Variants in ADCY9 observed in about 807,000 individuals in gnomAD.
ADCY9 encodes the protein adenylate cyclase type 9.
In ADCY9, 50 loss-of-function variants were observed where a neutral mutation model predicts 101.5. The ratio of observed to expected loss-of-function variants is 0.49; its 90% CI spans 0.39 to 0.62. The LOEUF (loss-of-function observed/expected upper bound fraction) is 0.62, where lower values mean the gene tolerates loss of function less well. ADCY9 is among the 20% of genes least tolerant of loss of function. The probability of loss-of-function intolerance (pLI) is 0.00; values close to 1 mark genes in which losing one functional copy is unlikely to be tolerated. For missense variants in ADCY9, 1,662 were observed against 1,800.4 expected (o/e 0.92, Z 1.39); for synonymous variants, 905 against 769.3 (o/e 1.18, Z -2.92).
rs182860561 is a variant in ADCY9, at chr16:3,989,623, A to C, written c.2208-527T>G. Among the ~76,000 whole-genome samples the C allele has an allele frequency of 1.3e-4, 20 of 152,284 alleles. 2 individuals carry two copies. The East Asian group carries it at 3.9e-3, about 29-fold the overall frequency. Reference sequence around the variant, plus strand: ...TCGAACTCCTGGGCTCAAGAGATCCACCCATCTCGGCCTCCCAAAGTGCTG... The same window carrying C: ...TCGAACTCCTGGGCTCAAGAGATCCCCCCATCTCGGCCTCCCAAAGTGCTG... On this transcript the variant is annotated intron_variant, in intron 5 of 10. Coordinates refer to ENST00000294016, the MANE Select transcript of ADCY9 (RefSeq NM_001116.4).
chr16:3,985,935 C>T (rs1375984080), intron 6 of ADCY9, among the ~76,000 whole-genome samples: 3 of 150,996 alleles, frequency 2.0e-5, no homozygotes, highest in South Asian at 4.2e-4. Flanking sequence ...CCACTGAGAA[C>T]GACGCTCCCC....
At chr16:4,058,650 A>G (rs2056756061) in intron 2 of ADCY9, among the ~76,000 whole-genome samples, 1 of 152,092 alleles carries the variant, frequency 6.6e-6, no homozygotes, top group Non-Finnish European at 1.5e-5. Context: ...AGAACCTGGG[A>G]AGGTATGTGT....
intron 2 of ADCY9, among the ~76,000 whole-genome samples, chr16:4,110,931 G>A (rs904489716): frequency 1.3e-5 from 2 of 152,164 alleles, no homozygotes; most frequent in Non-Finnish European, 2.9e-5. Flanking sequence ...TCTGAACCCC[G>A]CCTCTGGAGT....
intron 2 of ADCY9, among the ~76,000 whole-genome samples, chr16:4,076,289 AAGCTAACAAG>A (rs922229998): frequency 6.6e-6 from 1 of 152,236 alleles, no homozygotes; most frequent in African/African-American, 2.4e-5. Flanking sequence ...TCTGTTAGAA[AAGCTAACAAG>A]AGCCTAAAAG....
At chr16:4,003,475 A>C (rs1483393575) in intron 3 of ADCY9, among the ~76,000 whole-genome samples, 2 of 152,080 alleles carry the variant, frequency 1.3e-5, no homozygotes, top group African/African-American at 4.8e-5. Flanking sequence ...TCTCCCAGCA[A>C]TCCCGAGAGG....
Position 3,966,764 on chromosome 16 carries a change from G to T in ADCY9, c.3073C>A (p.Arg1025=), listed in dbSNP as rs777459326. 6.8e-6 allele frequency: 11 copies of T among 1,614,192 alleles called. No individual in the cohort carries two copies. The South Asian group carries it at 9.9e-5, about 15-fold the overall frequency. Residue 1025 remains arginine, a synonymous_variant, in exon 11 of 11, where the codon CGG becomes AGG. Transcript: ENST00000294016. The part of the protein sequence containing the change: ...DLHRTKIQSM[R]DQADWLLRNI... ...CTCAGCAGCCAGTCTGCCTGGTCCC[G>T]CATGCTCTGGATCTTGGTGCGGTGA... is the stretch of plus-strand genomic sequence containing the variant.
At chr16:4,112,855 T>C (rs895223699) in intron 2 of ADCY9, among the ~76,000 whole-genome samples, 3 of 152,188 alleles carry the variant, frequency 2.0e-5, no homozygotes, top group African/African-American at 4.8e-5. Flanking sequence ...ACTTAAAATC[T>C]TTCTTTTTCG....
intron 2 of ADCY9, among the ~76,000 whole-genome samples, chr16:4,108,677 C>T (rs2057094522): frequency 6.8e-6 from 1 of 146,994 alleles, no homozygotes; most frequent in Non-Finnish European, 1.5e-5. Flanking sequence ...CGGCCCATTT[C>T]TCCATATCTT....
At position 4,057,038 on chromosome 16, in the gene ADCY9, GCCC is replaced by G. The variant is rs375745334; in HGVS notation, c.1694-49483_1694-49481del. 3.8e-3 allele frequency among the ~76,000 whole-genome samples: 314 copies of G among 83,560 alleles called. 11 individuals carry two copies. Among genetic ancestry groups the G allele is most frequent in the South Asian group, 9.9e-3 (29 of 2,924 alleles). The allele number at this position is 83,560 out of a possible 152,430, so 54.8% of individuals were successfully genotyped here. A position where few individuals can be genotyped will look rare whatever the true frequency, so the allele number is the denominator to read the frequency against. ...TCAGGTAACCTGTACTGATGAAACCGCCCCCCCCCCCCCCGCCAATCTTACTCT... is the reference window on the plus strand; with the variant it reads ...TCAGGTAACCTGTACTGATGAAACCGCCCCCCCCCCCGCCAATCTTACTCT... On this transcript the variant is annotated intron_variant, in intron 2 of 10. Transcript: ENST00000294016.
At chr16:4,074,183 G>A (rs1212247766) in intron 2 of ADCY9, among the ~76,000 whole-genome samples, 2 of 151,784 alleles carry the variant, frequency 1.3e-5, no homozygotes, top group Non-Finnish European at 2.9e-5. Context: ...ACATTATTAT[G>A]ACACTATTAG....
intron 2 of ADCY9, among the ~76,000 whole-genome samples, chr16:4,080,786 G>A (rs1012812358): frequency 1.4e-5 from 2 of 146,300 alleles, no homozygotes; most frequent in South Asian, 2.1e-4. Flanking sequence ...CCAAGGTCCC[G>A]TAGAGAGCAC....
At chr16:4,047,095 C>T (rs944948447) in intron 2 of ADCY9, among the ~76,000 whole-genome samples, 1 of 152,086 alleles carries the variant, frequency 6.6e-6, no homozygotes, top group East Asian at 1.9e-4. Flanking sequence ...TCTAGGCAGA[C>T]ATTGAATGCT....
chr16:4,069,404 C>T (rs1339112040), intron 2 of ADCY9, among the ~76,000 whole-genome samples: 1 of 151,690 alleles, frequency 6.6e-6, no homozygotes, highest in Non-Finnish European at 1.5e-5. Context: ...ATGAAAGTAA[C>T]ATCTACTTCT....
At position 3,989,124 on chromosome 16, in the gene ADCY9, C is replaced by T. The variant is rs145699883; in HGVS notation, c.2208-28G>A. 7 of 1,502,442 alleles carry T rather than the reference C, an allele frequency of 4.7e-6. No individual in the cohort carries two copies. In the Admixed American group the frequency reaches 8.4e-5, roughly 18 times the overall value. The allele number at this position is 1,502,442 out of a possible 1,614,324, so 93.1% of individuals were successfully genotyped here. A position where few individuals can be genotyped will look rare whatever the true frequency, so the allele number is the denominator to read the frequency against. ...AGAAGACACAACAAATGCAGTCGAT[C>T]AATACCCAGCACCATAACTGTGCCA... On this transcript the variant is annotated intron_variant, in intron 5 of 10. Coordinates refer to ENST00000294016, the MANE Select transcript of ADCY9 (RefSeq NM_001116.4).
chr16:3,985,498 C>A (rs12148974), intron 6 of ADCY9, among the ~76,000 whole-genome samples: 23,874 of 152,176 alleles, frequency 0.16, 2,300 homozygotes, highest in South Asian at 0.33. Context: ...GGCCCACGCA[C>A]GTCCCCTTTC....
At chr16:4,057,901 G>C (rs2056750758) in intron 2 of ADCY9, among the ~76,000 whole-genome samples, 3 of 152,168 alleles carry the variant, frequency 2.0e-5, no homozygotes, top group Non-Finnish European at 4.4e-5. Flanking sequence ...GGAGAGTTGA[G>C]TAATCCCAGC....
Position 4,049,267 on chromosome 16 carries a change from A to G in ADCY9, c.1694-41709T>C, listed in dbSNP as rs564666872. 1.6e-3 allele frequency among the ~76,000 whole-genome samples: 239 copies of G among 152,312 alleles called. 1 individual carries two copies. Among genetic ancestry groups the G allele is most frequent in the Non-Finnish European group, 2.8e-3 (192 of 68,022 alleles). On this transcript the variant is annotated intron_variant, in intron 2 of 10. Transcript: ENST00000294016. Reference sequence around the variant, plus strand: ...GCTGTACAGAACCTGACCTGGGACCAGAGAGAAGAGGGTCCAGGGAAATGC... The same window carrying G: ...GCTGTACAGAACCTGACCTGGGACCGGAGAGAAGAGGGTCCAGGGAAATGC...
intron 7 of ADCY9, chr16:3,982,390 T>A (rs546990885): frequency 6.6e-6 from 1 of 152,386 alleles, no homozygotes; most frequent in African/African-American, 2.4e-5. Flanking sequence ...GCACCGTTGC[T>A]AGTGGGACTC....
chr16:3,976,488 T>C (rs577392155), intron 9 of ADCY9, among the ~76,000 whole-genome samples: 1 of 152,182 alleles, frequency 6.6e-6, no homozygotes, highest in Admixed American at 6.5e-5. Context: ...CCCTGACTCC[T>C]GTTTCTGTGT....
Sources: gnomAD v4.1 joint callset for allele counts (sites outside exome capture counted in the v4.1 genomes callset) on GRCh38, gnomAD v4.1.1 for gene constraint, MANE v1.5 for transcripts, NCBI Gene and HGNC (gene_info 2026-07-23, HGNC 2026-07-21) for gene names.